FOCAD: variants seen among roughly 807,000 people sequenced by gnomAD.
FOCAD encodes focadhesin.
FOCAD carries 198 observed loss-of-function variants against 225.6 expected under a neutral mutation model. That is an observed-to-expected ratio of 0.88 (90% confidence interval 0.78 to 0.99). The LOEUF (loss-of-function observed/expected upper bound fraction) is 0.99, where lower values mean the gene tolerates loss of function less well. FOCAD is among the 50% of genes least tolerant of loss of function. FOCAD has a pLI of 0.00. For missense variants in FOCAD, 2,713 were observed against 2,123.6 expected, an observed-to-expected ratio of 1.28 and a Z score of -5.46; for synonymous variants, 897 against 755.0, an observed-to-expected ratio of 1.19 and a Z score of -3.08.
At chr9:20,715,997 T>C (rs1825298968) in intron 2 of FOCAD, 1 of 289,278 alleles carries the variant, frequency 3.5e-6, no homozygotes, top group African/African-American at 2.1e-5. Context: ...TTGTCTTTTC[T>C]TGTGAGAGTA....
chr9:20,933,125 T>A (rs1322349787), intron 28 of FOCAD, 22 bp downstream of exon 28: 2 of 1,548,768 alleles, frequency 1.3e-6, no homozygotes, highest in Non-Finnish European at 1.8e-6. Context: ...CTATTTCCAC[T>A]CTCACAGGTA....
intron 11 of FOCAD, among the ~76,000 whole-genome samples, chr9:20,796,403 A>G (rs1328153985): frequency 2.6e-5 from 4 of 152,200 alleles, no homozygotes; most frequent in East Asian, 1.9e-4. Context: ...GACTTCCACA[A>G]TGGTTGAACT....
At chr9:20,994,177 TCTC>T (rs1487419195) in intron 43 of FOCAD, among the ~76,000 whole-genome samples, 1 of 151,986 alleles carries the variant, frequency 6.6e-6, no homozygotes, top group East Asian at 1.9e-4. Context: ...ACTAGACACT[TCTC>T]CTACTTTCAG....
At chr9:20,979,758 T>A (rs968518095) in intron 37 of FOCAD, among the ~76,000 whole-genome samples, 1 of 152,228 alleles carries the variant, frequency 6.6e-6, no homozygotes, top group African/African-American at 2.4e-5. Flanking sequence ...CTGCTCCAAG[T>A]GGCTCCCAGC....
chr9:20,893,895 T>A (rs1308066692), intron 21 of FOCAD, among the ~76,000 whole-genome samples: 4 of 152,132 alleles, frequency 2.6e-5, no homozygotes, highest in African/African-American at 9.7e-5. Flanking sequence ...GTCTATAGTT[T>A]ATATTAGGGT....
intron 15 of FOCAD, among the ~76,000 whole-genome samples, chr9:20,827,714 T>C (rs750142475): frequency 6.6e-6 from 1 of 151,914 alleles, no homozygotes; most frequent in Non-Finnish European, 1.5e-5. Flanking sequence ...CACAGAGATA[T>C]AGAATAAAAC....
At chr9:20,687,698 A>G (rs1306488889) in intron 1 of FOCAD, among the ~76,000 whole-genome samples, 1 of 152,204 alleles carries the variant, frequency 6.6e-6, no homozygotes, top group Non-Finnish European at 1.5e-5. Context: ...TATTGTATTC[A>G]TTATTTTTTA....
intron 21 of FOCAD, among the ~76,000 whole-genome samples, chr9:20,898,787 T>TTA (rs1360266747): frequency 6.6e-6 from 1 of 151,926 alleles, no homozygotes. Flanking sequence ...TGTAGTTGTC[T>TTA]CTTGATAACC....
Position 20,946,750 on chromosome 9 carries a change from G to T in FOCAD, c.3605G>T (p.Gly1202Val). ...GTATGTACATCAGCGTTCAGTGCTG[G>T]AATTATTGAGGCTACAGAGGCTGAG... is the stretch of plus-strand genomic sequence containing the variant. ...SCVCTSAFSA[G>V]IIEATEAEDV... The change falls in exon 30 of 44, where the codon GGA becomes GTA. Residue 1202 changes from glycine to valine, a missense_variant. Transcript: ENST00000338382. 6.2e-7 allele frequency: 1 copy of T among 1,613,818 alleles called. No homozygotes were observed. Among genetic ancestry groups the T allele is most frequent in the Non-Finnish European group, 8.5e-7 (1 of 1,179,816 alleles).
At position 20,993,255 on chromosome 9, in the gene FOCAD, C is replaced by A. The variant is rs1587809928; in HGVS notation, c.5259C>A (p.Phe1753Leu). 6.2e-7 allele frequency: 1 copy of A among 1,613,164 alleles called. No homozygotes were observed. Among genetic ancestry groups the A allele is most frequent in the South Asian group, 1.1e-5 (1 of 91,066 alleles). The change falls in exon 43 of 44, where the codon TTC becomes TTA. Residue 1753 changes from phenylalanine (F) to leucine (L), a missense_variant and splice_region_variant. Phe to Leu is a conservative substitution (Grantham distance 22, BLOSUM62 0). Transcript: ENST00000338382. ...ACTATTTTTCATTTTTACCCTAGTT[C>A]ATTGACTGGCTATTCAGCATCATGG... is the stretch of plus-strand genomic sequence containing the variant. Reference protein sequence around the residue: ...KEPWKEQTQKFIDWLFSIMES... With the variant: ...KEPWKEQTQKLIDWLFSIMES...
chr9:20,873,241 C>G (rs1268588132), intron 18 of FOCAD, among the ~76,000 whole-genome samples: 1 of 152,054 alleles, frequency 6.6e-6, no homozygotes, highest in East Asian at 1.9e-4. Context: ...TGCCACGTTA[C>G]TATGATGTGT....
chr9:20,723,317 G>A (rs1219459574), intron 4 of FOCAD, among the ~76,000 whole-genome samples: 1 of 152,168 alleles, frequency 6.6e-6, no homozygotes, highest in Non-Finnish European at 1.5e-5. Context: ...GTGAAACCCT[G>A]TCTCTACTAA....
chr9:20,709,818 TG>T (rs371735885), intron 1 of FOCAD, among the ~76,000 whole-genome samples: 61 of 152,338 alleles, frequency 4.0e-4, no homozygotes, highest in African/African-American at 1.4e-3. Flanking sequence ...ATTCATTCTC[TG>T]AGGTGTCACA....
intron 15 of FOCAD, among the ~76,000 whole-genome samples, chr9:20,852,475 G>A (rs1209949933): frequency 6.6e-6 from 1 of 151,544 alleles, no homozygotes. Context: ...ACATAGGGTG[G>A]GGGTGGGAGG....
At chr9:20,683,075 T>C (rs947434744), upstream of FOCAD, among the ~76,000 whole-genome samples, 1 of 152,076 alleles carries the variant, frequency 6.6e-6, no homozygotes, top group Non-Finnish European at 1.5e-5. Flanking sequence ...CCAAGATTAA[T>C]TTAGATAAAT....
chr9:20,844,639 G>A (rs750871789), intron 15 of FOCAD, among the ~76,000 whole-genome samples: 1 of 152,006 alleles, frequency 6.6e-6, no homozygotes, highest in South Asian at 2.1e-4. Context: ...GGGATTACAG[G>A]TGTGAGCCAC....
At chr9:20,902,270 T>A (rs1832621955) in intron 21 of FOCAD, among the ~76,000 whole-genome samples, 2 of 151,850 alleles carry the variant, frequency 1.3e-5, no homozygotes, top group Admixed American at 1.3e-4. Context: ...AGTATGGAGA[T>A]GAGAAAAATT....
chr9:20,807,824 C>T (rs1014921808), intron 11 of FOCAD, among the ~76,000 whole-genome samples: 17 of 152,152 alleles, frequency 1.1e-4, no homozygotes, highest in Non-Finnish European at 1.8e-4. Context: ...TGAAGGTGGG[C>T]GGATCACTCG....
At chr9:20,734,505 A>G (rs1826973272) in intron 4 of FOCAD, among the ~76,000 whole-genome samples, 1 of 152,216 alleles carries the variant, frequency 6.6e-6, no homozygotes, top group Non-Finnish European at 1.5e-5. Context: ...TCCATGTCAC[A>G]TGCATAAATC....
Sources: gnomAD v4.1 joint callset for allele counts (sites outside exome capture counted in the v4.1 genomes callset) on GRCh38, gnomAD v4.1.1 for gene constraint, MANE v1.5 for transcripts, NCBI Gene and HGNC (gene_info 2026-07-23, HGNC 2026-07-21) for gene names.